The following PRIM2 variants were observed in gnomAD, a reference collection of about 807,000 sequenced individuals.
PRIM2 encodes DNA primase subunit 2, also known as DNA primase large subunit.
In PRIM2, 39 loss-of-function variants were observed where a neutral mutation model predicts 67.3. The observed-to-expected ratio is 0.58, with a 90% CI of 0.45 to 0.76. The LOEUF is 0.76. Ranked by LOEUF, PRIM2 falls within the 30% of genes least tolerant of loss-of-function variation. The probability of loss-of-function intolerance (pLI) is 0.00; values close to 1 mark genes in which losing one functional copy is unlikely to be tolerated. For missense variants in PRIM2, 398 were observed against 598.7 expected (o/e 0.66, Z 3.50); for synonymous variants, 143 against 198.7 (o/e 0.72, Z 2.36).
intron 5 of PRIM2, among the ~76,000 whole-genome samples, chr6:57,377,850 G>T (rs35573762): frequency 6.6e-6 from 1 of 151,680 alleles, no homozygotes; most frequent in African/African-American, 2.4e-5. Context: ...GTTTCATTTA[G>T]TGATATAAAA....
At position 57,320,504 on chromosome 6, in the gene PRIM2, G is replaced by A; in HGVS notation, c.202G>A (p.Glu68Lys). The change falls in exon 3 of 14, where the codon GAA becomes AAA. Residue 68 changes from glutamate to lysine, a missense_variant. By Grantham distance (56) the Glu-to-Lys change is moderately conservative. Around this residue, in one of 4 missense-constraint regions of PRIM2, gnomAD observed 96 missense variants for 98.3 expected, o/e 0.98. Coordinates refer to ENST00000615550, the MANE Select transcript of PRIM2 (RefSeq NM_000947.5). Reference protein sequence around the residue: ...NLGVSYVKGTEQYQSKLESEL... With the variant: ...NLGVSYVKGTKQYQSKLESEL... ...TGGAGTGAGCTATGTGAAAGGAACT[G>A]AACAATACCAGAGTAAGTTGGAGAG... The A allele has an allele frequency of 6.2e-7, 1 of 1,610,564 alleles. No homozygotes were observed. Among genetic ancestry groups the A allele is most frequent in the Non-Finnish European group, 8.5e-7 (1 of 1,179,164 alleles).
chr6:57,246,064 C>A, the PRIM2 span, among the ~76,000 whole-genome samples: 1 of 152,166 alleles, frequency 6.6e-6, no homozygotes, highest in East Asian at 1.9e-4. Context: ...ATCTACAAAT[C>A]ATATATCTCA....
At chr6:57,347,835 T>C (rs9475863) in intron 5 of PRIM2, among the ~76,000 whole-genome samples, 19,333 of 152,110 alleles carry the variant, frequency 0.13, 1,371 homozygotes, top group African/African-American at 0.18. Flanking sequence ...GTCTTCTAAA[T>C]ATTTAGAGAT....
intron 8 of PRIM2, among the ~76,000 whole-genome samples, chr6:57,525,126 T>C (rs1226422007): frequency 2.0e-5 from 3 of 151,984 alleles, no homozygotes; most frequent in African/African-American, 7.2e-5. Context: ...TATAAACTAC[T>C]TTTTAGAAAT....
At position 57,374,788 on chromosome 6, in the gene PRIM2, G is replaced by A. The variant is rs576193268; in HGVS notation, c.460-5113G>A. Among the ~76,000 whole-genome samples, 352 of 152,122 alleles carry A rather than the reference G, an allele frequency of 2.3e-3. 1 individual carries two copies. The highest frequency in any genetic ancestry group is 4.1e-3 in the Admixed American group (62 of 15,274). ...GTATTTTTAGCAGAGACGGGGTTTC[G>A]CCGTGTTGGGCAGTCATGAACTCCT... On this transcript the variant is annotated intron_variant, in intron 5 of 13. Transcript: ENST00000615550.
rs1257053143 is a variant in PRIM2 at position 57,537,634 on chromosome 6, GA to G, written c.1020+17del. ...AGATGGATCCAGACAAGGTAATTTT[GA>G]AAAAAAATATCAGAGTGGTACCTGA... On this transcript the variant is annotated intron_variant, in intron 10 of 13. Coordinates refer to ENST00000615550, the MANE Select transcript of PRIM2 (RefSeq NM_000947.5). The G allele has an allele frequency of 2.7e-5, 38 of 1,419,430 alleles. No individual in the cohort carries two copies. The highest frequency in any genetic ancestry group is 1.1e-4 in the South Asian group (6 of 54,946). The allele number at this position is 1,419,430 out of a possible 1,614,324, so 87.9% of individuals were successfully genotyped here.
In PRIM2 at chr6:57,601,264, G is replaced by C. The variant is rs1278619846; in HGVS notation, c.1147+45G>C. On this transcript the variant is annotated intron_variant, in intron 11 of 13. Transcript: ENST00000615550. ...ATGTTGGCCAAGTACAGAAATCCAA[G>C]AGCTCTGTTGGAAACACTGAAACAA... 8.5e-6 allele frequency: 13 copies of C among 1,531,162 alleles called. 1 individual carries two copies. The Admixed American group carries it at 2.6e-4, about 30-fold the overall frequency. The allele number at this position is 1,531,162 out of a possible 1,614,324, so 94.8% of individuals were successfully genotyped here.
the PRIM2 span, among the ~76,000 whole-genome samples, chr6:57,290,477 C>A: frequency 6.6e-6 from 1 of 152,156 alleles, no homozygotes; most frequent in African/African-American, 2.4e-5. Flanking sequence ...ATATCCAGGA[C>A]TTGAACTCAC....
the PRIM2 span, among the ~76,000 whole-genome samples, chr6:57,244,225 T>C: frequency 8.5e-5 from 13 of 152,162 alleles, no homozygotes; most frequent in African/African-American, 2.9e-4. Context: ...AATCCTTTAT[T>C]TGCCGGAAGC....
intron 12 of PRIM2, among the ~76,000 whole-genome samples, chr6:57,622,610 GT>G (rs1467924546): frequency 1.3e-5 from 2 of 151,868 alleles, no homozygotes; most frequent in South Asian, 2.1e-4. Context: ...TCTCATTTTA[GT>G]TTTTTTAATA....
At chr6:57,525,925 G>C (rs1317056401) in intron 8 of PRIM2, among the ~76,000 whole-genome samples, 2 of 152,116 alleles carry the variant, frequency 1.3e-5, no homozygotes, top group East Asian at 1.9e-4. Context: ...ATTCCTGAAG[G>C]TGTGTGTGTG....
At chr6:57,532,888 AGTAGGT>A (rs1199471955) in intron 9 of PRIM2, among the ~76,000 whole-genome samples, 129 of 152,270 alleles carry the variant, frequency 8.5e-4, no homozygotes, top group African/African-American at 3.1e-3. Context: ...TCAAAGGGAT[AGTAGGT>A]TTGATTTCTT....
chr6:57,332,877 C>T (rs1188614663), intron 5 of PRIM2, among the ~76,000 whole-genome samples: 1 of 152,050 alleles, frequency 6.6e-6, no homozygotes, highest in Non-Finnish European at 1.5e-5. Context: ...TGTTTAATTA[C>T]TGATAACTTA....
At chr6:57,308,418 T>G in the PRIM2 span, among the ~76,000 whole-genome samples, 1 of 152,202 alleles carries the variant, frequency 6.6e-6, no homozygotes, top group Non-Finnish European at 1.5e-5. Context: ...CCACTGTGCC[T>G]GGCCCAGTTT....
chr6:57,540,277 T>TCA (rs1329010600), intron 10 of PRIM2, among the ~76,000 whole-genome samples: 3 of 150,710 alleles, frequency 2.0e-5, no homozygotes, highest in South Asian at 2.1e-4. Flanking sequence ...ATACACACAC[T>TCA]CACACACACA....
At chr6:57,539,646 GTGTGTGTGTGTA>G (rs1383715448) in intron 10 of PRIM2, among the ~76,000 whole-genome samples, 433 of 75,702 alleles carry the variant, frequency 5.7e-3, no homozygotes, top group African/African-American at 0.024. Flanking sequence ...GTGTGTGTGT[GTGTGTGTGTGTA>G]TATATATATA....
chr6:57,292,327 C>T, the PRIM2 span, among the ~76,000 whole-genome samples: 1 of 152,136 alleles, frequency 6.6e-6, no homozygotes, highest in African/African-American at 2.4e-5. Context: ...CTACAAACCA[C>T]TGCTCAATGA....
chr6:57,442,689 G>A (rs1772237854), intron 7 of PRIM2, among the ~76,000 whole-genome samples: 1 of 151,924 alleles, frequency 6.6e-6, no homozygotes, highest in Non-Finnish European at 1.5e-5. Flanking sequence ...TTGTAAATTG[G>A]CAGTTTATAA....
chr6:57,461,458 T>C (rs1429416391), intron 7 of PRIM2, among the ~76,000 whole-genome samples: 5 of 152,142 alleles, frequency 3.3e-5, no homozygotes, highest in African/African-American at 1.2e-4. Context: ...TGTAAGTGCA[T>C]TTTCAGTGTT....
Sources: allele counts gnomAD v4.1 joint callset (sites outside exome capture counted in the v4.1 genomes callset), GRCh38; gene constraint gnomAD v4.1.1; regional missense constraint gnomAD v4.1.1; transcripts MANE v1.5; gene names NCBI Gene and HGNC (gene_info 2026-07-23, HGNC 2026-07-21).